Variants in CNTNAP2 observed in about 807,000 individuals in gnomAD.
CNTNAP2 encodes contactin-associated protein-like 2.
A neutral mutation model predicts 155.2 loss-of-function variants in CNTNAP2; 98 were observed. The observed-to-expected ratio is 0.63, with a 90% CI of 0.54 to 0.75. The LOEUF (loss-of-function observed/expected upper bound fraction) is 0.75, where lower values mean the gene tolerates loss of function less well. CNTNAP2 is among the 30% of genes least tolerant of loss of function. The pLI is 0.00. For missense variants in CNTNAP2, 1,727 were observed against 1,688.1 expected (o/e 1.02, Z -0.40); for synonymous variants, 651 against 631.2 (o/e 1.03, Z -0.47).
intron 14 of CNTNAP2, among the ~76,000 whole-genome samples, chr7:147,946,562 G>T (rs1235349310): frequency 6.6e-6 from 1 of 152,074 alleles, no homozygotes; most frequent in Non-Finnish European, 1.5e-5. Flanking sequence ...AGGAATAGTT[G>T]GTCGAGGATG....
chr7:146,736,428 A>G (rs1190870538), intron 1 of CNTNAP2, among the ~76,000 whole-genome samples: 1 of 152,186 alleles, frequency 6.6e-6, no homozygotes, highest in African/African-American at 2.4e-5. Context: ...TTGAGGATTG[A>G]TTATTTCCTT....
chr7:148,384,621 A>C (rs1438530059), intron 22 of CNTNAP2, among the ~76,000 whole-genome samples: 2 of 152,160 alleles, frequency 1.3e-5, no homozygotes, highest in Non-Finnish European at 2.9e-5. Context: ...AAGGTGAAGA[A>C]GGGGAGGGGA....
intron 1 of CNTNAP2, among the ~76,000 whole-genome samples, chr7:146,545,883 C>T (rs571450171): frequency 5.3e-5 from 8 of 151,812 alleles, no homozygotes; most frequent in Admixed American, 2.0e-4. Flanking sequence ...TGCACATGTA[C>T]GGTTATTGCA....
intron 1 of CNTNAP2, among the ~76,000 whole-genome samples, chr7:146,671,946 G>A (rs1800316315): frequency 6.6e-6 from 1 of 152,022 alleles, no homozygotes; most frequent in South Asian, 2.1e-4. Flanking sequence ...CTCCCGAGTA[G>A]TTGGGATTAC....
Position 147,108,353 on chromosome 7 carries a change from G to A in CNTNAP2, c.754+3G>A. On this transcript the variant is annotated splice_donor_region_variant and intron_variant, in intron 5 of 23. Transcript: ENST00000361727. ...GCTGGTCCTCAGTTTAAACTTAGGT[G>A]TGTTCTGACTGTCAGTTCTATTCTT... 6.2e-7 allele frequency: 1 copy of A among 1,611,598 alleles called. No homozygotes were observed. The highest frequency in any genetic ancestry group is 1.3e-5 in the African/African-American group (1 of 74,976).
intron 1 of CNTNAP2, among the ~76,000 whole-genome samples, chr7:146,676,949 A>C (rs968457924): frequency 6.6e-6 from 1 of 152,164 alleles, no homozygotes; most frequent in Non-Finnish European, 1.5e-5. Flanking sequence ...GCACTTCTAC[A>C]CTAAAAAGTA....
At chr7:147,131,125 A>G (rs1371140542) in intron 7 of CNTNAP2, among the ~76,000 whole-genome samples, 6 of 149,744 alleles carry the variant, frequency 4.0e-5, no homozygotes, top group Non-Finnish European at 4.4e-5. Context: ...CCATATACAT[A>G]TATATACCAT....
chr7:147,342,268 A>G (rs933824887), intron 9 of CNTNAP2, among the ~76,000 whole-genome samples: 12 of 152,232 alleles, frequency 7.9e-5, no homozygotes, highest in African/African-American at 2.9e-4. Flanking sequence ...TGGAACATGC[A>G]ATATTTGCTA....
Position 146,792,942 on chromosome 7 carries a change from G to A in CNTNAP2, c.208+18561G>A, listed in dbSNP as rs964691802. Among the ~76,000 whole-genome samples, 5 of 152,120 alleles carry A rather than the reference G, an allele frequency of 3.3e-5. No individual in the cohort carries two copies. In the South Asian group the frequency reaches 1.0e-3, roughly 32 times the overall value. ...TCAGCACTGTCTGGTAAAATACATG[G>A]TGAGCCATATATGTAATTTTCAATT... On this transcript the variant is annotated intron_variant, in intron 2 of 23. Coordinates refer to ENST00000361727, the MANE Select transcript of CNTNAP2 (RefSeq NM_014141.6).
chr7:147,027,885 G>A (rs1168251306), intron 3 of CNTNAP2, among the ~76,000 whole-genome samples: 1 of 152,160 alleles, frequency 6.6e-6, no homozygotes, highest in Non-Finnish European at 1.5e-5. Flanking sequence ...CAAATGGTGT[G>A]GGTGGAAAAT....
chr7:148,051,192 C>T (rs1213117111), intron 15 of CNTNAP2, among the ~76,000 whole-genome samples: 1 of 152,144 alleles, frequency 6.6e-6, no homozygotes, highest in Non-Finnish European at 1.5e-5. Context: ...ATCAAATCTC[C>T]ACCCACAGAG....
intron 4 of CNTNAP2, among the ~76,000 whole-genome samples, chr7:147,090,174 C>T (rs1324055055): frequency 6.6e-6 from 1 of 152,120 alleles, no homozygotes; most frequent in East Asian, 1.9e-4. Flanking sequence ...CCCTGTTCTC[C>T]TTCCAGGCAT....
At chr7:146,775,111 T>C (rs1382216648) in intron 2 of CNTNAP2, among the ~76,000 whole-genome samples, 2 of 152,326 alleles carry the variant, frequency 1.3e-5, no homozygotes, top group East Asian at 3.9e-4. Context: ...GAGACCATGA[T>C]GTTTAATTCA....
At chr7:147,038,859 C>G (rs1799208640) in intron 3 of CNTNAP2, among the ~76,000 whole-genome samples, 2 of 152,130 alleles carry the variant, frequency 1.3e-5, no homozygotes, top group South Asian at 4.1e-4. Context: ...GTATAACTTT[C>G]TTGCTTAAAA....
In CNTNAP2 at chr7:148,401,800, G is replaced by A. The variant is rs1339706453; in HGVS notation, c.3716-7591G>A. ...TTTTTAGTAGAGACGGGGTTTCACC[G>A]TGTTAACCAGGATGGTCTCGATCTC... On this transcript the variant is annotated intron_variant, in intron 22 of 23. Coordinates refer to ENST00000361727, the MANE Select transcript of CNTNAP2 (RefSeq NM_014141.6). Among the ~76,000 whole-genome samples the A allele has an allele frequency of 8.5e-5, 13 of 152,048 alleles. No individual in the cohort carries two copies. In the East Asian group the frequency reaches 2.3e-3, roughly 27 times the overall value.
At chr7:147,245,286 C>T (rs866864505) in intron 8 of CNTNAP2, among the ~76,000 whole-genome samples, 3 of 151,948 alleles carry the variant, frequency 2.0e-5, no homozygotes, top group Admixed American at 1.3e-4. Context: ...ATAAAAACCT[C>T]GGTGTAAAGT....
chr7:146,840,202 A>G (rs542297427), intron 3 of CNTNAP2, among the ~76,000 whole-genome samples: 1 of 152,324 alleles, frequency 6.6e-6, no homozygotes, highest in African/African-American at 2.4e-5. Flanking sequence ...TGAAATAGTG[A>G]TTAATGATAC....
intron 8 of CNTNAP2, among the ~76,000 whole-genome samples, chr7:147,289,664 G>A (rs1483755826): frequency 6.6e-6 from 1 of 152,122 alleles, no homozygotes; most frequent in Non-Finnish European, 1.5e-5. Flanking sequence ...TTGAAGTATA[G>A]TGATGTTTGT....
At chr7:146,797,661 A>C (rs1055237955) in intron 2 of CNTNAP2, among the ~76,000 whole-genome samples, 1 of 152,218 alleles carries the variant, frequency 6.6e-6, no homozygotes, top group African/African-American at 2.4e-5. Context: ...TAACTGACTG[A>C]CTTCAGAGAT....
Sources: allele counts gnomAD v4.1 joint callset (sites outside exome capture counted in the v4.1 genomes callset), GRCh38; gene constraint gnomAD v4.1.1; transcripts MANE v1.5; gene names NCBI Gene and HGNC (gene_info 2026-07-23, HGNC 2026-07-21).